EVC2: variants seen among roughly 807,000 people sequenced by gnomAD.
EVC2 encodes the protein EvC ciliary complex subunit 2.
A neutral mutation model predicts 149.3 loss-of-function variants in EVC2; 148 were observed. The observed-to-expected ratio is 0.99, with a 90% CI of 0.87 to 1.14. EVC2 has a LOEUF of 1.14. Ranked by LOEUF, EVC2 falls within the 50% of genes most tolerant of loss-of-function variation. The probability of loss-of-function intolerance (pLI) is 0.00; values close to 1 mark genes in which losing one functional copy is unlikely to be tolerated. For missense variants in EVC2, 1,854 were observed against 1,627.3 expected (o/e 1.14, Z -2.40); for synonymous variants, 776 against 649.9 (o/e 1.19, Z -2.95).
intron 10 of EVC2, among the ~76,000 whole-genome samples, chr4:5,639,902 T>C (rs115897453): frequency 6.6e-6 from 1 of 152,208 alleles, no homozygotes; most frequent in Non-Finnish European, 1.5e-5. Flanking sequence ...ATGAACTTCT[T>C]GAATGGAAGA....
chr4:5,563,467 C>T (rs1372236866), intron 21 of EVC2, among the ~76,000 whole-genome samples: 1 of 152,202 alleles, frequency 6.6e-6, no homozygotes, highest in Non-Finnish European at 1.5e-5. Flanking sequence ...CTGCCTTAGC[C>T]TCCTGAGTAA....
chr4:5,677,152 A>G lies in EVC2; in HGVS notation c.870+4108T>C, dbSNP rs1032084499. Among the ~76,000 whole-genome samples, 5 of 152,150 alleles carry G rather than the reference A, an allele frequency of 3.3e-5. No individual in the cohort carries two copies. Among genetic ancestry groups the G allele is most frequent in the African/African-American group, 1.2e-4 (5 of 41,448 alleles). Reference sequence around the variant, plus strand: ...CCTCACAGTGCCAGGCACTGTGCTGAGTACTTTACAGCCCTTGATCCATTT... The same window carrying G: ...CCTCACAGTGCCAGGCACTGTGCTGGGTACTTTACAGCCCTTGATCCATTT... On this transcript the variant is annotated intron_variant, in intron 7 of 21. Transcript: ENST00000344408. The surrounding 1 kb of genome is among the most constrained non-coding windows in gnomAD (Gnocchi z 4.3).
rs146576607 is a variant in EVC2, at chr4:5,682,945, C to T, written c.817-1632G>A. 9.3e-4 allele frequency among the ~76,000 whole-genome samples: 141 copies of T among 152,142 alleles called. 1 individual carries two copies. Among genetic ancestry groups the T allele is most frequent in the African/African-American group, 3.3e-3 (136 of 41,506 alleles). On this transcript the variant is annotated intron_variant, in intron 6 of 21. Coordinates refer to ENST00000344408, the MANE Select transcript of EVC2 (RefSeq NM_147127.5). ...CAACCCATGTAATTCTCATTACAGA[C>T]GCGACTAAGGCATTTTTCTGTAACC...
chr4:5,612,696 G>A (rs1440578642), intron 16 of EVC2, among the ~76,000 whole-genome samples: 3 of 152,116 alleles, frequency 2.0e-5, no homozygotes. Context: ...GCCGAGGCGG[G>A]CGGATCACGA....
At chr4:5,537,303 A>C in the EVC2 span, among the ~76,000 whole-genome samples, 3 of 152,192 alleles carry the variant, frequency 2.0e-5, no homozygotes, top group Admixed American at 2.0e-4. Context: ...GCTATCCTCA[A>C]CTATTCAGTA....
At chr4:5,616,758 G>A (rs1016315901) in intron 15 of EVC2, among the ~76,000 whole-genome samples, 3 of 152,174 alleles carry the variant, frequency 2.0e-5, no homozygotes, top group South Asian at 2.1e-4. Context: ...AAGCCTGACC[G>A]TGCTGGCCCA....
chr4:5,665,990 G>T (rs1397459562), intron 7 of EVC2, among the ~76,000 whole-genome samples: 3 of 152,158 alleles, frequency 2.0e-5, no homozygotes, highest in South Asian at 4.2e-4. Context: ...CTAGGGATCC[G>T]TGACATTTTC....
rs1715099804 is a variant in EVC2, at chr4:5,614,671, GA to G, written c.2829+750del. On this transcript the variant is annotated intron_variant, in intron 16 of 21. Coordinates refer to ENST00000344408, the MANE Select transcript of EVC2 (RefSeq NM_147127.5). This position sits in a 1 kb window ranked among gnomAD's most constrained non-coding sequence, Gnocchi z 4.7. ...CTAGGAGACTGTGTGGTGTGTGCTA[GA>G]ACATCACGTATGAAATGGGGCTGGG... Among the ~76,000 whole-genome samples the G allele has an allele frequency of 6.6e-6, 1 of 152,154 alleles. No individual in the cohort carries two copies. Among genetic ancestry groups the G allele is most frequent in the African/African-American group, 2.4e-5 (1 of 41,442 alleles).
intron 16 of EVC2, among the ~76,000 whole-genome samples, chr4:5,612,195 CTTTAT>C (rs938523760): frequency 9.2e-5 from 14 of 152,140 alleles, no homozygotes; most frequent in African/African-American, 3.4e-4. Context: ...TGTTAAATCT[CTTTAT>C]TTTATTCTTA....
In EVC2 at chr4:5,657,924, G is replaced by A. The variant is rs943933870; in HGVS notation, c.1145+5183C>T. ...CTGGTCCTCTTTTGGGTCCTCAAATGTCCACATCCCTTCCCACCTCTTGTG... is the reference window on the plus strand; with the variant it reads ...CTGGTCCTCTTTTGGGTCCTCAAATATCCACATCCCTTCCCACCTCTTGTG... On this transcript the variant is annotated intron_variant, in intron 9 of 21. Transcript: ENST00000344408. The surrounding 1 kb of genome is among the most constrained non-coding windows in gnomAD (Gnocchi z 4.7). Among the ~76,000 whole-genome samples the A allele has an allele frequency of 1.3e-5, 2 of 151,918 alleles. No individual in the cohort carries two copies. Among genetic ancestry groups the A allele is most frequent in the African/African-American group, 4.8e-5 (2 of 41,338 alleles).
At position 5,679,383 on chromosome 4, in the gene EVC2, G is replaced by A. The variant is rs912898518; in HGVS notation, c.870+1877C>T. Reference sequence around the variant, plus strand: ...CCCGAGTAGCTGGAATCACAGACACGCACCACCATGCTCAGCTAATTTTTT... The same window carrying A: ...CCCGAGTAGCTGGAATCACAGACACACACCACCATGCTCAGCTAATTTTTT... On this transcript the variant is annotated intron_variant, in intron 7 of 21. Coordinates refer to ENST00000344408, the MANE Select transcript of EVC2 (RefSeq NM_147127.5). This position sits in a 1 kb window ranked among gnomAD's most constrained non-coding sequence, Gnocchi z 5.1. 2.6e-5 allele frequency among the ~76,000 whole-genome samples: 4 copies of A among 151,978 alleles called. No homozygotes were observed. Among genetic ancestry groups the A allele is most frequent in the African/African-American group, 7.2e-5 (3 of 41,392 alleles).
chr4:5,596,204 C>T (rs1241029349), intron 16 of EVC2, among the ~76,000 whole-genome samples: 1 of 152,172 alleles, frequency 6.6e-6, no homozygotes, highest in Non-Finnish European at 1.5e-5. Context: ...GAACTCAGCT[C>T]TGCACCAAGC....
Position 5,670,142 on chromosome 4 carries a change from T to C in EVC2, c.871-4493A>G, listed in dbSNP as rs1410041198. 6.6e-6 allele frequency among the ~76,000 whole-genome samples: 1 copy of C among 152,240 alleles called. No individual in the cohort carries two copies. Among genetic ancestry groups the C allele is most frequent in the Admixed American group, 6.5e-5 (1 of 15,284 alleles). On this transcript the variant is annotated intron_variant, in intron 7 of 21. Coordinates refer to ENST00000344408, the MANE Select transcript of EVC2 (RefSeq NM_147127.5). This position sits in a 1 kb window ranked among gnomAD's most constrained non-coding sequence, Gnocchi z 5.2. Reference sequence around the variant, plus strand: ...AGTAAGATCTCAATATGTAATTTTATGAGAAGAAGGAGGCTCCATATAATC... The same window carrying C: ...AGTAAGATCTCAATATGTAATTTTACGAGAAGAAGGAGGCTCCATATAATC...
intron 9 of EVC2, among the ~76,000 whole-genome samples, chr4:5,650,719 C>A (rs1718077730): frequency 6.8e-6 from 1 of 146,794 alleles, no homozygotes; most frequent in African/African-American, 2.5e-5. Context: ...TGATTAACAT[C>A]TCTCTTACAG....
intron 17 of EVC2, among the ~76,000 whole-genome samples, chr4:5,577,809 C>T (rs1241069510): frequency 4.6e-5 from 7 of 152,156 alleles, no homozygotes; most frequent in South Asian, 2.1e-4. Flanking sequence ...CCATCCCTCT[C>T]GCTGCAGCAT....
chr4:5,698,651 C>T (rs145425880), intron 1 of EVC2, among the ~76,000 whole-genome samples: 2 of 152,358 alleles, frequency 1.3e-5, no homozygotes, highest in Non-Finnish European at 2.9e-5. Flanking sequence ...GCTATGTGCA[C>T]TGAGTGAACT....
intron 14 of EVC2, among the ~76,000 whole-genome samples, chr4:5,620,258 T>A (rs975220323): frequency 6.6e-6 from 1 of 152,192 alleles, no homozygotes; most frequent in Non-Finnish European, 1.5e-5. Flanking sequence ...GAATCCAAAG[T>A]GAAAGCAACT....
chr4:5,683,873 T>G (rs1234669775), intron 6 of EVC2, among the ~76,000 whole-genome samples: 3 of 136,668 alleles, frequency 2.2e-5, no homozygotes, highest in South Asian at 5.4e-4. Context: ...CACGCACAGC[T>G]GCCCGGGAAC....
rs1052509495 is a variant in EVC2, at chr4:5,696,685, C to T, written c.283+908G>A. ...TGAGAGGGAAGGAGAAAGGCAGAGCCGTAGGAGCATTGAGAACCTTGTGCT... is the reference window on the plus strand; with the variant it reads ...TGAGAGGGAAGGAGAAAGGCAGAGCTGTAGGAGCATTGAGAACCTTGTGCT... On this transcript the variant is annotated intron_variant, in intron 2 of 21. Transcript: ENST00000344408. This position sits in a 1 kb window ranked among gnomAD's most constrained non-coding sequence, Gnocchi z 4.1. Among the ~76,000 whole-genome samples the T allele has an allele frequency of 2.0e-5, 3 of 152,174 alleles. No homozygotes were observed. Among genetic ancestry groups the T allele is most frequent in the South Asian group, 2.1e-4 (1 of 4,818 alleles).
Sources: gnomAD v4.1 joint callset for allele counts (sites outside exome capture counted in the v4.1 genomes callset) on GRCh38, gnomAD v4.1.1 for gene constraint, Gnocchi (gnomAD v3.1) non-coding constraint, MANE v1.5 for transcripts, NCBI Gene and HGNC (gene_info 2026-07-23, HGNC 2026-07-21) for gene names.